The following ARHGEF3 variants were observed in gnomAD, a reference collection of about 807,000 sequenced individuals.
ARHGEF3 encodes the protein Rho guanine nucleotide exchange factor 3.
A neutral mutation model predicts 63.2 loss-of-function variants in ARHGEF3; 28 were observed. That is an observed-to-expected ratio of 0.44 (90% CI 0.33 to 0.61). The LOEUF (loss-of-function observed/expected upper bound fraction) is 0.61. ARHGEF3 is among the 20% of genes least tolerant of loss of function. The probability of loss-of-function intolerance (pLI) is 0.03; values close to 1 mark genes in which losing one functional copy is unlikely to be tolerated. For synonymous variants in ARHGEF3, 266 were observed against 254.2 expected (o/e 1.05, Z -0.44); for missense variants, 533 against 659.3 (o/e 0.81, Z 2.10).
intron 2 of ARHGEF3, among the ~76,000 whole-genome samples, chr3:56,987,591 A>G (rs1400096021): frequency 6.6e-6 from 1 of 152,180 alleles, no homozygotes. Context: ...AAGAGCCACT[A>G]CACTGGGGTT....
At chr3:56,958,557 C>T (rs1247587571) in intron 3 of ARHGEF3, among the ~76,000 whole-genome samples, 1 of 151,992 alleles carries the variant, frequency 6.6e-6, no homozygotes, top group Non-Finnish European at 1.5e-5. Context: ...GTCTCAAACT[C>T]CTAGGCTCAA....
chr3:57,001,013 C>A (rs1702172508), intron 2 of ARHGEF3, among the ~76,000 whole-genome samples: 2 of 152,042 alleles, frequency 1.3e-5, no homozygotes, highest in South Asian at 4.1e-4. Flanking sequence ...TATCATAAGT[C>A]ACTGCAGCCT....
chr3:57,029,977 T>C (rs1703664648), intron 2 of ARHGEF3, among the ~76,000 whole-genome samples: 1 of 152,168 alleles, frequency 6.6e-6, no homozygotes, highest in Non-Finnish European at 1.5e-5. Flanking sequence ...AAAACAGCCC[T>C]GGCCTAATGC....
chr3:56,862,256 C>G (rs1362231105), intron 4 of ARHGEF3, among the ~76,000 whole-genome samples: 2 of 152,088 alleles, frequency 1.3e-5, no homozygotes, highest in Non-Finnish European at 2.9e-5. Context: ...CAGAACCAAC[C>G]AAGAACCTCC....
chr3:56,855,141 G>A (rs2039823280), intron 4 of ARHGEF3, among the ~76,000 whole-genome samples: 1 of 152,050 alleles, frequency 6.6e-6, no homozygotes, highest in African/African-American at 2.4e-5. Flanking sequence ...AGGCTGAGGT[G>A]GGTGGAGAGG....
intron 2 of ARHGEF3, among the ~76,000 whole-genome samples, chr3:56,983,103 G>C (rs1701389776): frequency 6.6e-6 from 1 of 152,140 alleles, no homozygotes; most frequent in Non-Finnish European, 1.5e-5. Context: ...GTACAAGTCA[G>C]AAATGGGAAG....
chr3:56,844,751 A>T (rs545163722), intron 4 of ARHGEF3, among the ~76,000 whole-genome samples: 1 of 152,152 alleles, frequency 6.6e-6, no homozygotes, highest in Non-Finnish European at 1.5e-5. Context: ...GACAACCCCA[A>T]TGTTTTCTGG....
chr3:56,783,367 C>T (rs1004981588), intron 1 of ARHGEF3, among the ~76,000 whole-genome samples: 34 of 152,050 alleles, frequency 2.2e-4, no homozygotes, highest in African/African-American at 5.1e-4. Context: ...AGGCGGCAAG[C>T]GAGATGGATT....
intron 1 of ARHGEF3, among the ~76,000 whole-genome samples, chr3:56,788,747 C>T (rs901014904): frequency 1.3e-5 from 2 of 151,948 alleles, no homozygotes; most frequent in Non-Finnish European, 2.9e-5. Flanking sequence ...GCCAGGGTGC[C>T]TCTCTACCCA....
chr3:57,013,102 C>T (rs952147260), intron 2 of ARHGEF3, among the ~76,000 whole-genome samples: 9 of 152,374 alleles, frequency 5.9e-5, no homozygotes, highest in African/African-American at 1.7e-4. Context: ...GCTGCCTCCC[C>T]GCTGGGCAGG....
rs2038548455 is a variant in ARHGEF3 at position 56,822,551 on chromosome 3, A to G, written c.193-48735T>C. On this transcript the variant is annotated intron_variant, in intron 4 of 12. Coordinates refer to the ARHGEF3 transcript ENST00000338458. ...TACATGTGGAAAAGCTTGGCAGGGA[A>G]AATACACAAAATAAAAATCACGGTT... Among the ~76,000 whole-genome samples, 3 of 152,172 alleles carry G rather than the reference A, an allele frequency of 2.0e-5. No individual in the cohort carries two copies. In the South Asian group the frequency reaches 6.2e-4, roughly 32 times the overall value.
rs150772933 is a variant in ARHGEF3, at chr3:56,729,453, C to T, written c.1398G>A (p.Ser466=). 2.5e-5 allele frequency: 40 copies of T among 1,614,006 alleles called. 1 individual carries two copies. The African/African-American group carries it at 2.8e-4, about 11-fold the overall frequency. Residue 466 remains serine, a synonymous_variant, in exon 10 of 10, where the codon TCG becomes TCA. Transcript: ENST00000296315. ...TGCTCCCGGTGGTGGGATTTAGGAACGATCCCTCGGAGTCAAGCACCCCAG... is the reference window on the plus strand; with the variant it reads ...TGCTCCCGGTGGTGGGATTTAGGAATGATCCCTCGGAGTCAAGCACCCCAG... The part of the protein sequence containing the change: ...GQAGVLDSEG[S]FLNPTTGSRE...
chr3:56,868,011 G>C (rs1208021878), intron 4 of ARHGEF3, among the ~76,000 whole-genome samples: 4 of 152,084 alleles, frequency 2.6e-5, no homozygotes, highest in Non-Finnish European at 5.9e-5. Context: ...AAAATCAATA[G>C]CAAAGGCATT....
intron 3 of ARHGEF3, among the ~76,000 whole-genome samples, chr3:56,914,177 T>G (rs993777051): frequency 2.0e-5 from 3 of 152,230 alleles, no homozygotes; most frequent in African/African-American, 7.2e-5. Flanking sequence ...GGTTGCAGTG[T>G]ATGCTGCTTG....
At chr3:57,077,021 G>A (rs1706251883) in intron 1 of ARHGEF3, 1 of 152,278 alleles carries the variant, frequency 6.6e-6, no homozygotes, top group Admixed American at 6.5e-5. Flanking sequence ...CATCTGTACA[G>A]GGGAGACATC....
At chr3:57,073,981 T>C (rs1706079909) in intron 1 of ARHGEF3, 1 of 1,614,126 alleles carries the variant, frequency 6.2e-7, no homozygotes, top group Non-Finnish European at 8.5e-7. Flanking sequence ...GACATCGCTG[T>C]ATCCCAAATA....
chr3:56,825,501 T>C (rs1471026132), intron 4 of ARHGEF3, among the ~76,000 whole-genome samples: 1 of 152,028 alleles, frequency 6.6e-6, no homozygotes, highest in Non-Finnish European at 1.5e-5. Flanking sequence ...TACATGATGA[T>C]AGCTTTTCTG....
intron 4 of ARHGEF3, among the ~76,000 whole-genome samples, chr3:56,850,244 T>C (rs913061256): frequency 6.6e-6 from 1 of 152,248 alleles, no homozygotes; most frequent in Admixed American, 6.5e-5. Flanking sequence ...CTTGGTTATT[T>C]GGGTCTGGAC....
intron 4 of ARHGEF3, among the ~76,000 whole-genome samples, chr3:56,858,550 G>C (rs139865255): frequency 6.6e-6 from 1 of 152,164 alleles, no homozygotes; most frequent in African/African-American, 2.4e-5. Flanking sequence ...CTGGTGAGGG[G>C]AGGAAGACAG....
Sources: allele counts gnomAD v4.1 joint callset (sites outside exome capture counted in the v4.1 genomes callset), GRCh38; gene constraint gnomAD v4.1.1; transcripts MANE v1.5; gene names NCBI Gene and HGNC (gene_info 2026-07-23, HGNC 2026-07-21).